Variants in STARD9 observed in about 807,000 individuals in gnomAD.
STARD9 encodes the protein stAR-related lipid transfer protein 9.
A neutral mutation model predicts 399.8 loss-of-function variants in STARD9; 346 were observed. That is an observed-to-expected ratio of 0.87 (90% CI 0.79 to 0.95). STARD9 has a LOEUF of 0.95. Ranked by LOEUF, STARD9 falls within the 40% of genes least tolerant of loss-of-function variation. STARD9 has a pLI of 0.00. For synonymous variants in STARD9, 2,203 were observed against 2,143.5 expected (o/e 1.03, Z -0.77); for missense variants, 5,832 against 5,667.5 (o/e 1.03, Z -0.93).
At position 42,695,350 on chromosome 15, in the gene STARD9, T is replaced by C. The variant is rs1231293617; in HGVS notation, c.13146+27T>C. On this transcript the variant is annotated intron_variant, in intron 25 of 32. Coordinates refer to ENST00000290607, the MANE Select transcript of STARD9 (RefSeq NM_020759.3). Reference sequence around the variant, plus strand: ...TGTGGAGTGGGGCATGCCTCTGATTTCAGGATAGGCCTGGACCTCAGACTG... The same window carrying C: ...TGTGGAGTGGGGCATGCCTCTGATTCCAGGATAGGCCTGGACCTCAGACTG... The C allele has an allele frequency of 2.7e-6, 4 of 1,509,226 alleles. No homozygotes were observed. The East Asian group carries it at 7.4e-5, about 28-fold the overall frequency. 93.5% of individuals were successfully genotyped at this position (1,509,226 alleles called of 1,614,324 possible).
chr15:42,580,225 G>C (rs1288383877), intron 1 of STARD9, among the ~76,000 whole-genome samples: 9 of 152,266 alleles, frequency 5.9e-5, no homozygotes, highest in Admixed American at 1.3e-4. Flanking sequence ...AATGCTACCA[G>C]AGTTGCACAA....
chr15:42,621,898 T>C (rs1390832273), intron 3 of STARD9, among the ~76,000 whole-genome samples: 1 of 152,194 alleles, frequency 6.6e-6, no homozygotes. Flanking sequence ...CAGGTCCTCT[T>C]GGTAAAGTTA....
rs2060765311 is a variant in STARD9, at chr15:42,693,444, G to A, written c.11866G>A (p.Asp3956Asn). ...AATGGATAATTATTCCCAAACCACT[G>A]ACGAGTTAGGTGGCTCCCAGAGAGG... is the stretch of plus-strand genomic sequence containing the variant. ...TPMDNYSQTT[D>N]ELGGSQRGRS... is the part of the protein sequence containing the mutation. The change falls in exon 23 of 33, where the codon GAC becomes AAC. Residue 3956 changes from aspartate (D) to asparagine (N), a missense_variant. Coordinates refer to ENST00000290607, the MANE Select transcript of STARD9 (RefSeq NM_020759.3). 6.5e-7 allele frequency: 1 copy of A among 1,537,096 alleles called. No individual in the cohort carries two copies. Among genetic ancestry groups the A allele is most frequent in the African/African-American group, 1.4e-5 (1 of 73,050 alleles).
At chr15:42,609,581 A>G (rs1230271660) in intron 3 of STARD9, among the ~76,000 whole-genome samples, 1 of 151,896 alleles carries the variant, frequency 6.6e-6, no homozygotes, top group Non-Finnish European at 1.5e-5. Flanking sequence ...CTGGGACTAC[A>G]GGCACGCGCC....
At position 42,687,471 on chromosome 15, in the gene STARD9, G is replaced by A; in HGVS notation, c.5893G>A (p.Gly1965Ser). Residue 1965 changes from glycine (G) to serine (S), a missense_variant, in exon 23 of 33, where the codon GGT (glycine) becomes AGT (serine). Physicochemically the swap from Gly to Ser is moderately conservative, Grantham distance 56. Coordinates refer to ENST00000290607, the MANE Select transcript of STARD9 (RefSeq NM_020759.3). Reference protein sequence around the residue: ...RVSSPVMVAQGGGPTPKWEGK... With the variant: ...RVSSPVMVAQSGGPTPKWEGK... ...AAGCAGCCCAGTGATGGTGGCCCAG[G>A]GTGGTGGCCCAACCCCTAAGTGGGA... is the stretch of plus-strand genomic sequence containing the variant. 2 of 1,537,162 alleles carry A rather than the reference G, an allele frequency of 1.3e-6. No homozygotes were observed. The highest frequency in any genetic ancestry group is 1.7e-6 in the Non-Finnish European group (2 of 1,146,908).
intron 13 of STARD9, among the ~76,000 whole-genome samples, 166 bp downstream of exon 13, chr15:42,664,083 C>A (rs2060043108): frequency 6.6e-6 from 1 of 152,138 alleles, no homozygotes. Flanking sequence ...CTCCTTCTTT[C>A]CTATCTCTAC....
intron 15 of STARD9, among the ~76,000 whole-genome samples, chr15:42,668,014 C>G (rs1304749856): frequency 6.6e-6 from 1 of 152,190 alleles, no homozygotes; most frequent in Non-Finnish European, 1.5e-5. Flanking sequence ...AGTAGTGGAG[C>G]CAAAATCATT....
chr15:42,713,291 A>G (rs1004668222), intron 26 of STARD9, among the ~76,000 whole-genome samples: 4 of 152,182 alleles, frequency 2.6e-5, no homozygotes, highest in Admixed American at 6.5e-5. Flanking sequence ...CTTGTCTCCT[A>G]TACCCTTGCT....
chr15:42,629,284 G>A (rs1397353240), intron 3 of STARD9, among the ~76,000 whole-genome samples: 1 of 152,146 alleles, frequency 6.6e-6, no homozygotes, highest in Non-Finnish European at 1.5e-5. Flanking sequence ...CTCCTAAAGT[G>A]CTGGGATTAC....
rs557922265 is a variant in STARD9 at position 42,695,945 on chromosome 15, A to G, written c.13284+65A>G. 2.7e-5 allele frequency: 40 copies of G among 1,481,516 alleles called. No individual in the cohort carries two copies. The Middle Eastern group carries it at 5.6e-4, about 21-fold the overall frequency. 91.8% of individuals were successfully genotyped at this position (1,481,516 alleles called of 1,614,324 possible). On this transcript the variant is annotated intron_variant, in intron 26 of 32. Transcript: ENST00000290607. ...CTGCCAAGGCAAGAGTTTGAGCAGG[A>G]CGCTGTGCCTCCTGGAGTTTGGGCA...
intron 26 of STARD9, among the ~76,000 whole-genome samples, chr15:42,699,022 T>TA (rs11405018): frequency 1 from 151,565 of 151,786 alleles, 75,672 homozygotes; most frequent in African/African-American, 1. Flanking sequence ...TCTTGTTTAT[T>TA]AAAAAAAATT....
intron 3 of STARD9, among the ~76,000 whole-genome samples, chr15:42,623,290 A>G (rs1021141633): frequency 6.6e-6 from 1 of 152,132 alleles, no homozygotes; most frequent in African/African-American, 2.4e-5. Flanking sequence ...CAACACTGCT[A>G]TGAATATTTC....
intron 9 of STARD9, among the ~76,000 whole-genome samples, chr15:42,658,783 C>T (rs2059931308): frequency 6.6e-6 from 1 of 151,870 alleles, no homozygotes; most frequent in Admixed American, 6.6e-5. Context: ...CGTGCCTGGC[C>T]CCTTTTGCAC....
chr15:42,683,817 T>C (rs1255869763), intron 22 of STARD9, among the ~76,000 whole-genome samples: 2 of 152,254 alleles, frequency 1.3e-5, no homozygotes, highest in Non-Finnish European at 2.9e-5. Context: ...TTCCTCATAA[T>C]ACCATTTAAA....
At chr15:42,614,395 TAGG>T (rs200569969) in intron 3 of STARD9, among the ~76,000 whole-genome samples, 1,934 of 152,026 alleles carry the variant, frequency 0.013, 50 homozygotes, top group African/African-American at 0.045. Flanking sequence ...AGGCACTTCA[TAGG>T]AGAGCAAAAC....
chr15:42,663,068 C>A (rs1454960757), intron 11 of STARD9, 177 bp downstream of exon 11: 2 of 694,976 alleles, frequency 2.9e-6, no homozygotes, highest in Non-Finnish European at 4.7e-6. Flanking sequence ...CTACTACCAT[C>A]ATTTCTCAAA....
At chr15:42,600,250 T>A (rs1046187780) in intron 3 of STARD9, among the ~76,000 whole-genome samples, 15 of 152,132 alleles carry the variant, frequency 9.9e-5, no homozygotes, top group African/African-American at 3.6e-4. Context: ...GTCCAGCCTA[T>A]ATAGGACATG....
intron 26 of STARD9, among the ~76,000 whole-genome samples, chr15:42,712,984 A>C (rs1428425597): frequency 6.6e-6 from 1 of 152,222 alleles, no homozygotes; most frequent in African/African-American, 2.4e-5. Flanking sequence ...ATTTCTGCAA[A>C]GAAGTCAGCT....
chr15:42,657,655 A>G (rs1325188289), intron 9 of STARD9, among the ~76,000 whole-genome samples: 1 of 152,260 alleles, frequency 6.6e-6, no homozygotes, highest in African/African-American at 2.4e-5. Context: ...TGACATTTTC[A>G]GAACACTTCA....
Sources: allele counts gnomAD v4.1 joint callset (sites outside exome capture counted in the v4.1 genomes callset), GRCh38; gene constraint gnomAD v4.1.1; transcripts MANE v1.5; gene names NCBI Gene and HGNC (gene_info 2026-07-23, HGNC 2026-07-21).